The following RBFOX1 variants were observed in gnomAD, a reference collection of about 807,000 sequenced individuals.
RBFOX1 encodes RNA binding fox-1 homolog 1.
A neutral mutation model predicts 57.7 loss-of-function variants in RBFOX1; 8 were observed. The ratio of observed to expected loss-of-function variants is 0.14; its 90% CI spans 0.08 to 0.25. The LOEUF is 0.25. Ranked by LOEUF, RBFOX1 falls within the 10% of genes least tolerant of loss-of-function variation. The pLI is 1.00. For missense variants in RBFOX1, 611 were observed against 548.5 expected (o/e 1.11, Z -1.14); for synonymous variants, 326 against 222.4 (o/e 1.47, Z -4.15).
At chr16:7,401,060 C>A (rs1043544031) in intron 4 of RBFOX1, among the ~76,000 whole-genome samples, 9 of 152,108 alleles carry the variant, frequency 5.9e-5, no homozygotes, top group African/African-American at 2.2e-4. Context: ...GAGGGGGTAT[C>A]CAAAATACAG....
intron 3 of RBFOX1, among the ~76,000 whole-genome samples, chr16:6,808,446 C>G (rs1264797715): frequency 6.6e-6 from 1 of 151,956 alleles, no homozygotes; most frequent in African/African-American, 2.4e-5. Flanking sequence ...AACTACATCC[C>G]AAGGATCTCA....
At chr16:6,712,267 T>G (rs1395313677) in intron 3 of RBFOX1, among the ~76,000 whole-genome samples, 1 of 152,162 alleles carries the variant, frequency 6.6e-6, no homozygotes, top group Non-Finnish European at 1.5e-5. Context: ...TAAGTGTCAA[T>G]GCCATCAGTC....
At chr16:7,646,115 G>C (rs918941567) in intron 11 of RBFOX1, among the ~76,000 whole-genome samples, 1 of 152,140 alleles carries the variant, frequency 6.6e-6, no homozygotes, top group African/African-American at 2.4e-5. Context: ...AAAATCCTAT[G>C]TTATAAACCA....
At chr16:5,797,131 A>G (rs1028345445) in intron 3 of RBFOX1, among the ~76,000 whole-genome samples, 1 of 152,234 alleles carries the variant, frequency 6.6e-6, no homozygotes, top group Non-Finnish European at 1.5e-5. Flanking sequence ...GAGGGACTCT[A>G]CAGTGGTGAC....
intron 2 of RBFOX1, among the ~76,000 whole-genome samples, chr16:5,591,840 C>G (rs375375320): frequency 6.6e-6 from 1 of 152,146 alleles, no homozygotes; most frequent in East Asian, 1.9e-4. Flanking sequence ...ATCCTTGGCA[C>G]AAGTCATGTT....
At chr16:7,240,287 T>A (rs919314067) in intron 4 of RBFOX1, among the ~76,000 whole-genome samples, 1 of 152,108 alleles carries the variant, frequency 6.6e-6, no homozygotes, top group African/African-American at 2.4e-5. Flanking sequence ...GATTTAAGGA[T>A]AATAATAATG....
chr16:7,016,383 C>T (rs944065874), intron 3 of RBFOX1, among the ~76,000 whole-genome samples: 1 of 152,240 alleles, frequency 6.6e-6, no homozygotes, highest in Admixed American at 6.5e-5. Context: ...AGAAGCCTTT[C>T]GGATACTGAA....
Position 6,841,087 on chromosome 16 carries a change from G to A in RBFOX1, c.-16+186437G>A, listed in dbSNP as rs540718429. 1.1e-4 allele frequency among the ~76,000 whole-genome samples: 16 copies of A among 151,976 alleles called. No individual in the cohort carries two copies. The East Asian group carries it at 3.1e-3, about 30-fold the overall frequency. On this transcript the variant is annotated intron_variant, in intron 3 of 15. Transcript: ENST00000550418. ...CCTGTTTGTTTGTTTTTAATTTTTAGCACCTTTTTTTTTCAATTTTCTTGT... is the reference window on the plus strand; with the variant it reads ...CCTGTTTGTTTGTTTTTAATTTTTAACACCTTTTTTTTTCAATTTTCTTGT...
At chr16:6,914,921 CCTCA>C (rs1349681167) in intron 3 of RBFOX1, among the ~76,000 whole-genome samples, 1 of 152,312 alleles carries the variant, frequency 6.6e-6, no homozygotes, top group African/African-American at 2.4e-5. Flanking sequence ...TTGAGACAGC[CCTCA>C]CTCACATAAC....
chr16:6,690,842 A>G (rs890992885), intron 3 of RBFOX1, among the ~76,000 whole-genome samples: 1 of 150,366 alleles, frequency 6.7e-6, no homozygotes, highest in Non-Finnish European at 1.5e-5. Flanking sequence ...CTCTAAATTC[A>G]CATTACTGAA....
intron 3 of RBFOX1, among the ~76,000 whole-genome samples, chr16:5,623,053 A>G (rs1466832525): frequency 1.3e-5 from 2 of 152,146 alleles, no homozygotes; most frequent in Non-Finnish European, 2.9e-5. Context: ...GGGTTTTGGT[A>G]TACGGGGGAG....
intron 12 of RBFOX1, among the ~76,000 whole-genome samples, chr16:7,656,619 G>A (rs182180550): frequency 6.6e-6 from 1 of 152,300 alleles, no homozygotes; most frequent in African/African-American, 2.4e-5. Flanking sequence ...TTCCTTTGGA[G>A]GAAAACTAAG....
At chr16:6,794,638 G>C (rs748488095) in intron 3 of RBFOX1, among the ~76,000 whole-genome samples, 5 of 152,090 alleles carry the variant, frequency 3.3e-5, no homozygotes, top group Non-Finnish European at 7.4e-5. Context: ...CATGTAAAGC[G>C]GGTGAGAGAA....
intron 4 of RBFOX1, among the ~76,000 whole-genome samples, chr16:5,934,326 G>A (rs752097664): frequency 6.6e-6 from 1 of 152,238 alleles, no homozygotes; most frequent in Non-Finnish European, 1.5e-5. Context: ...CCAGCTCATT[G>A]TGTTTATTAT....
intron 3 of RBFOX1, among the ~76,000 whole-genome samples, chr16:5,725,145 C>G (rs769723545): frequency 2.6e-5 from 4 of 152,146 alleles, no homozygotes; most frequent in African/African-American, 9.7e-5. Flanking sequence ...AGGCCTGATA[C>G]CTGTTGCAGA....
intron 4 of RBFOX1, among the ~76,000 whole-genome samples, chr16:7,275,263 T>A (rs780793003): frequency 2.0e-5 from 3 of 152,224 alleles, no homozygotes; most frequent in Non-Finnish European, 2.9e-5. Context: ...CTATTTCCCA[T>A]GTATGTCATT....
intron 4 of RBFOX1, among the ~76,000 whole-genome samples, chr16:7,172,664 A>C (rs1231046519): frequency 1.3e-5 from 2 of 152,198 alleles, no homozygotes; most frequent in East Asian, 1.9e-4. Context: ...GTAGCAACAG[A>C]GGCAGCACAA....
At chr16:5,813,759 A>G (rs1365756331) in intron 3 of RBFOX1, among the ~76,000 whole-genome samples, 5 of 152,208 alleles carry the variant, frequency 3.3e-5, no homozygotes, top group Admixed American at 2.0e-4. Flanking sequence ...GCACGTGCTT[A>G]CTATTTGTTA....
intron 2 of RBFOX1, among the ~76,000 whole-genome samples, chr16:6,543,692 A>G (rs2096855823): frequency 6.6e-6 from 1 of 152,116 alleles, no homozygotes; most frequent in Non-Finnish European, 1.5e-5. Flanking sequence ...AGGAGAACCT[A>G]CGGGATTATG....
Sources: gnomAD v4.1 joint callset for allele counts (sites outside exome capture counted in the v4.1 genomes callset) on GRCh38, gnomAD v4.1.1 for gene constraint, MANE v1.5 for transcripts, NCBI Gene and HGNC (gene_info 2026-07-23, HGNC 2026-07-21) for gene names.